Variants in ADAP1 observed in about 807,000 individuals in gnomAD.
ADAP1 encodes the protein arf-GAP with dual PH domain-containing protein 1.
ADAP1 carries 31 observed loss-of-function variants against 54.9 expected under a neutral mutation model. That is an observed-to-expected ratio of 0.56 (90% CI 0.42 to 0.76). The LOEUF (loss-of-function observed/expected upper bound fraction) is 0.76, where lower values mean the gene tolerates loss of function less well. Among genes scored for constraint, ADAP1 ranks in the 30% least tolerant of loss-of-function variants. The pLI is 0.00. For synonymous variants in ADAP1, 313 were observed against 202.6 expected, an observed-to-expected ratio of 1.55 and a Z score of -4.63; for missense variants, 535 against 512.4, an observed-to-expected ratio of 1.04 and a Z score of -0.42.
intron 4 of ADAP1, among the ~76,000 whole-genome samples, chr7:918,799 C>A (rs950348943): frequency 6.6e-6 from 1 of 152,200 alleles, no homozygotes; most frequent in Non-Finnish European, 1.5e-5. Flanking sequence ...CACTCAAGGC[C>A]CACAGTACCC....
rs75874612 is a variant in ADAP1 at position 907,528 on chromosome 7, G to A, written c.389-2356C>T. Among the ~76,000 whole-genome samples the A allele has an allele frequency of 9.6e-3, 1,462 of 152,224 alleles. 46 individuals carry two copies. In the East Asian group the frequency reaches 0.1, roughly 11 times the overall value. ...GTGTGGCTTCACGTCACTGAGCTGC[G>A]GTCAGTGACCCACGTGTGGCCACTC... On this transcript the variant is annotated intron_variant, in intron 4 of 10. Transcript: ENST00000265846.
Position 943,150 on chromosome 7 carries a change from AAGAG to A in ADAP1, c.83-7649_83-7646del, listed in dbSNP as rs762764305. Among the ~76,000 whole-genome samples, 5 of 45,526 alleles carry A rather than the reference AAGAG, an allele frequency of 1.1e-4. No homozygotes were observed. In the East Asian group the frequency reaches 2.6e-3, roughly 24 times the overall value. The allele number at this position is 45,526 out of a possible 152,430, so 29.9% of individuals were successfully genotyped here. On this transcript the variant is annotated intron_variant, in intron 1 of 10. Coordinates refer to ENST00000265846, the MANE Select transcript of ADAP1 (RefSeq NM_006869.4). ...AGGAGGAGGAAGAGAGAGTAGGAGG[AAGAG>A]AGGAGGAGGAAGGGAGAGAGGATGA...
At chr7:949,582 C>T (rs1302429339) in intron 1 of ADAP1, among the ~76,000 whole-genome samples, 2 of 152,234 alleles carry the variant, frequency 1.3e-5, no homozygotes, top group African/African-American at 4.8e-5. Flanking sequence ...AAGCTGGCTG[C>T]GGTCACGGCC....
rs1562937538 is a variant in ADAP1 at position 945,484 on chromosome 7, C to T, written c.82+8912G>A. ...GTTCCCAGGACTGTGGAATTTTGTT[C>T]CAAAATGCCTGGAGTCAGCACCCAC... On this transcript the variant is annotated intron_variant, in intron 1 of 10. Coordinates refer to ENST00000265846, the MANE Select transcript of ADAP1 (RefSeq NM_006869.4). The surrounding 1 kb of genome is among the most constrained non-coding windows in gnomAD (Gnocchi z 4.2). Among the ~76,000 whole-genome samples the T allele has an allele frequency of 6.6e-6, 1 of 152,202 alleles. No individual in the cohort carries two copies. The highest frequency in any genetic ancestry group is 1.5e-5 in the Non-Finnish European group (1 of 68,022).
At chr7:923,589 G>A (rs1190120662) in intron 3 of ADAP1, among the ~76,000 whole-genome samples, 3 of 152,134 alleles carry the variant, frequency 2.0e-5, no homozygotes, top group Middle Eastern at 6.8e-3. Context: ...GCCCTCCCCT[G>A]CGGGTGCAGC....
rs1230620716 is a variant in ADAP1, at chr7:900,468, C to G, written c.732+65G>C. 9 of 1,490,222 alleles carry G rather than the reference C, an allele frequency of 6.0e-6. No homozygotes were observed. In the Admixed American group the frequency reaches 1.8e-4, roughly 29 times the overall value. The allele number at this position is 1,490,222 out of a possible 1,614,324, so 92.3% of individuals were successfully genotyped here. On this transcript the variant is annotated intron_variant, in intron 7 of 10. Transcript: ENST00000265846. ...TCATCCCAGACTCAGGGCACGAGGGCTCCGTCCACCCCCCACCCCACCACC... is the reference window on the plus strand; with the variant it reads ...TCATCCCAGACTCAGGGCACGAGGGGTCCGTCCACCCCCCACCCCACCACC...
intron 1 of ADAP1, among the ~76,000 whole-genome samples, chr7:935,980 GCA>G (rs968362927): frequency 2.6e-5 from 4 of 152,230 alleles, no homozygotes; most frequent in African/African-American, 7.2e-5. Flanking sequence ...CCAACGCGCT[GCA>G]CACCCCCGAA....
intron 6 of ADAP1, 149 bp downstream of exon 6, chr7:903,977 G>A (rs117633562): frequency 0.055 from 58,115 of 1,057,582 alleles, 1,931 homozygotes; most frequent in South Asian, 0.094. Flanking sequence ...GCCTTCCCAC[G>A]CTGCCCAGCC....
Position 900,111 on chromosome 7 carries a change from C to A in ADAP1, c.786G>T (p.Thr262=), listed in dbSNP as rs139452042. The change falls in exon 8 of 11, where the codon ACG becomes ACT. Residue 262 remains threonine (T), a synonymous_variant. Coordinates refer to ENST00000265846, the MANE Select transcript of ADAP1 (RefSeq NM_006869.4). ...NYLKEGYMEK[T]GPKQTEGFRK... ...CGTGCGGCACACCCACCTTGGGCCC[C>A]GTCTTCTCCATGTAGCCTTCCTTCA... The A allele has an allele frequency of 3.7e-5, 59 of 1,613,104 alleles. No individual in the cohort carries two copies. The highest frequency in any genetic ancestry group is 4.7e-5 in the Non-Finnish European group (55 of 1,179,930).
intron 1 of ADAP1, among the ~76,000 whole-genome samples, chr7:937,929 C>T (rs764212053): frequency 3.3e-5 from 5 of 152,140 alleles, no homozygotes; most frequent in East Asian, 1.9e-4. Flanking sequence ...GAGCTCAGTC[C>T]GGAGCAGGTC....
At chr7:915,207 A>T (rs1845883983) in intron 4 of ADAP1, among the ~76,000 whole-genome samples, 2 of 104,210 alleles carry the variant, frequency 1.9e-5, no homozygotes, top group Non-Finnish European at 3.9e-5. Context: ...GCACCTTCAC[A>T]AAGGGCCAGC....
At chr7:928,962 T>A (rs1436494295) in intron 2 of ADAP1, among the ~76,000 whole-genome samples, 1 of 152,114 alleles carries the variant, frequency 6.6e-6, no homozygotes, top group Non-Finnish European at 1.5e-5. Context: ...ATAAACTAAA[T>A]GTGATCGAGC....
rs74366959 is a variant in ADAP1, at chr7:904,255, G to C, written c.519C>G (p.Ala173=). 1.2e-6 allele frequency: 2 copies of C among 1,600,578 alleles called. No homozygotes were observed. Among genetic ancestry groups the C allele is most frequent in the Admixed American group, 1.7e-5 (1 of 59,130 alleles). ...CGTTCAGGTGCTCGATCTTCATCAC[G>C]GCCTTGGGCTCCTTGGCCTGAGAAG... ...FNRNDAKEPK[A]VMKIEHLNAT... The change falls in exon 6 of 11, where the codon GCC becomes GCG. Residue 173 remains alanine, a synonymous_variant. Coordinates refer to ENST00000265846, the MANE Select transcript of ADAP1 (RefSeq NM_006869.4).
At chr7:902,108 G>A (rs1354536122) in intron 6 of ADAP1, among the ~76,000 whole-genome samples, 2 of 151,962 alleles carry the variant, frequency 1.3e-5, no homozygotes, top group African/African-American at 2.4e-5. Context: ...ATCTTTGGAG[G>A]ATCAGGAGTT....
At position 920,992 on chromosome 7, in the gene ADAP1, G is replaced by T; in HGVS notation, c.306-942C>A. On this transcript the variant is annotated intron_variant, in intron 3 of 10. Transcript: ENST00000265846. This position sits in a 1 kb window ranked among gnomAD's most constrained non-coding sequence, Gnocchi z 4.5. The stretch of plus-strand genomic sequence containing the variant: ...TCGCCCACAGGATCTGATGGGTGAT[G>T]GGTCCCAGCTGGGTCTCTGGCCCCT... The T allele has an allele frequency of 1.1e-6, 1 of 881,360 alleles. No homozygotes were observed. The highest frequency in any genetic ancestry group is 1.7e-6 in the Non-Finnish European group (1 of 572,254). 54.6% of individuals were successfully genotyped at this position (881,360 alleles called of 1,614,324 possible). A position where few individuals can be genotyped will look rare whatever the true frequency, so the allele number is the denominator to read the frequency against.
In ADAP1 at chr7:920,678, C is replaced by A; in HGVS notation, c.306-628G>T. On this transcript the variant is annotated intron_variant, in intron 3 of 10. Transcript: ENST00000265846. This position sits in a 1 kb window ranked among gnomAD's most constrained non-coding sequence, Gnocchi z 4.5. ...CAGGAAGACCCGGGATGAGGAGAAG[C>A]CCCCGAGAGTAAAGCCCGGGACGAG... is the stretch of plus-strand genomic sequence containing the variant. 1.1e-6 allele frequency: 1 copy of A among 908,034 alleles called. No homozygotes were observed. Among genetic ancestry groups the A allele is most frequent in the Non-Finnish European group, 1.6e-6 (1 of 612,146 alleles). 56.2% of individuals were successfully genotyped at this position (908,034 alleles called of 1,614,324 possible).
At chr7:948,359 C>A (rs1418335057) in intron 1 of ADAP1, among the ~76,000 whole-genome samples, 2 of 152,126 alleles carry the variant, frequency 1.3e-5, no homozygotes, top group African/African-American at 4.8e-5. Context: ...ACACGCCCTG[C>A]AGAAGCGCTC....
In ADAP1 at chr7:946,277, G is replaced by A. The variant is rs1248904056; in HGVS notation, c.82+8119C>T. ...CGCCGGCCGGTGGATCCCCGCCAGC[G>A]AGGCAGTGACCTCTGGAGCTCCTGG... is the stretch of plus-strand genomic sequence containing the variant. On this transcript the variant is annotated intron_variant, in intron 1 of 10. Transcript: ENST00000265846. This position sits in a 1 kb window ranked among gnomAD's most constrained non-coding sequence, Gnocchi z 4.3. Among the ~76,000 whole-genome samples the A allele has an allele frequency of 6.6e-6, 1 of 152,126 alleles. No homozygotes were observed. The highest frequency in any genetic ancestry group is 1.5e-5 in the Non-Finnish European group (1 of 68,014).
rs1457406044 is a variant in ADAP1 at position 898,473 on chromosome 7, TGGG to T, written c.*445_*447del. ...GGCGCTCAATAAATAGTCGTGGAGG[TGGG>T]GGGAGGGCGGGGCGGCATGCGAGCA... On this transcript the variant is annotated 3_prime_UTR_variant, in exon 11 of 11. Transcript: ENST00000265846. 1 of 234,734 alleles carries T rather than the reference TGGG, an allele frequency of 4.3e-6. No homozygotes were observed. The highest frequency in any genetic ancestry group is 8.5e-6 in the Non-Finnish European group (1 of 118,258). The allele number at this position is 234,734 out of a possible 1,614,324, so 14.5% of individuals were successfully genotyped here.
Sources: gnomAD v4.1 joint callset for allele counts (sites outside exome capture counted in the v4.1 genomes callset) on GRCh38, gnomAD v4.1.1 for gene constraint, Gnocchi (gnomAD v3.1) non-coding constraint, MANE v1.5 for transcripts, NCBI Gene and HGNC (gene_info 2026-07-23, HGNC 2026-07-21) for gene names.